The following KIRREL3 variants were observed in gnomAD, a reference collection of about 807,000 sequenced individuals.
The protein encoded by KIRREL3 is kin of IRRE-like protein 3.
Under a neutral mutation model 89.7 loss-of-function variants are expected in KIRREL3, and 36 were observed. The observed-to-expected ratio is 0.40, with a 90% CI of 0.31 to 0.53. KIRREL3 has a LOEUF of 0.53. Ranked by LOEUF, KIRREL3 falls within the 20% of genes least tolerant of loss-of-function variation. The pLI is 0.49. For synonymous variants in KIRREL3, 445 were observed against 441.4 expected (o/e 1.01, Z -0.10); for missense variants, 864 against 1,056.6 (o/e 0.82, Z 2.53).
intron 1 of KIRREL3, among the ~76,000 whole-genome samples, chr11:126,839,311 C>T (rs535288685): frequency 1.3e-5 from 2 of 152,078 alleles, no homozygotes; most frequent in Non-Finnish European, 2.9e-5. Context: ...GATAAGACAC[C>T]CTATGAGGCT....
intron 1 of KIRREL3, among the ~76,000 whole-genome samples, chr11:126,895,247 G>C (rs1946103154): frequency 6.6e-6 from 1 of 151,852 alleles, no homozygotes; most frequent in Non-Finnish European, 1.5e-5. Flanking sequence ...AGGATCACTT[G>C]AGGTCAGGAG....
chr11:126,591,943 C>T (rs377310460), intron 1 of KIRREL3, among the ~76,000 whole-genome samples: 132 of 152,290 alleles, frequency 8.7e-4, no homozygotes, highest in African/African-American at 3.1e-3. Context: ...GCCCAAGCAA[C>T]ATAGGCCTCT....
intron 1 of KIRREL3, among the ~76,000 whole-genome samples, chr11:126,678,306 T>C (rs923627931): frequency 2.0e-5 from 3 of 151,266 alleles, no homozygotes; most frequent in Admixed American, 6.6e-5. Flanking sequence ...AAGGCCGAGA[T>C]AAGAAGTGAA....
intron 5 of KIRREL3, among the ~76,000 whole-genome samples, chr11:126,473,047 C>A (rs1443096699): frequency 1.1e-5 from 1 of 92,762 alleles, no homozygotes; most frequent in East Asian, 3.6e-4. Flanking sequence ...CTAACCCCCC[C>A]AGCCCCTCTC....
At chr11:126,456,933 C>G (rs1158983065) in intron 6 of KIRREL3, among the ~76,000 whole-genome samples, 1 of 152,188 alleles carries the variant, frequency 6.6e-6, no homozygotes, top group Non-Finnish European at 1.5e-5. Flanking sequence ...GCCTAATCAT[C>G]TCCACTCAGT....
chr11:126,929,763 C>T (rs757917823), intron 1 of KIRREL3, among the ~76,000 whole-genome samples: 11 of 152,188 alleles, frequency 7.2e-5, no homozygotes, highest in Non-Finnish European at 1.2e-4. Flanking sequence ...TTCCAATTTC[C>T]ATTCATCAGG....
intron 1 of KIRREL3, among the ~76,000 whole-genome samples, chr11:126,856,712 T>A (rs1344283824): frequency 6.6e-6 from 1 of 151,502 alleles, no homozygotes; most frequent in African/African-American, 2.4e-5. Context: ...GCCTCCTGGG[T>A]TCAGGCCATT....
chr11:126,850,801 A>G (rs939787611), intron 1 of KIRREL3, among the ~76,000 whole-genome samples: 1 of 152,196 alleles, frequency 6.6e-6, no homozygotes, highest in African/African-American at 2.4e-5. Flanking sequence ...GGACCTGAGG[A>G]TAATAGATTA....
rs79376090 is a variant in KIRREL3 at position 126,614,205 on chromosome 11, G to A, written c.56-51293C>T. ...GGTTGGAAAAGTTCGATCTATTGTCGATTTCTCTATGGTATCAATGGCATA... is the reference window on the plus strand; with the variant it reads ...GGTTGGAAAAGTTCGATCTATTGTCAATTTCTCTATGGTATCAATGGCATA... On this transcript the variant is annotated intron_variant, in intron 1 of 16. Transcript: ENST00000525144. The surrounding 1 kb of genome is among the most constrained non-coding windows in gnomAD (Gnocchi z 4.6). Among the ~76,000 whole-genome samples, 378 of 152,116 alleles carry A rather than the reference G, an allele frequency of 2.5e-3. 3 individuals carry two copies. Among genetic ancestry groups the A allele is most frequent in the Non-Finnish European group, 4.4e-3 (302 of 67,990 alleles).
intron 1 of KIRREL3, among the ~76,000 whole-genome samples, chr11:126,801,448 A>C (rs1555198128): frequency 6.6e-6 from 1 of 152,198 alleles, no homozygotes; most frequent in Non-Finnish European, 1.5e-5. Context: ...CATAACTCAG[A>C]GTATTTCTGT....
At chr11:126,661,888 G>A (rs964368244) in intron 1 of KIRREL3, among the ~76,000 whole-genome samples, 2 of 152,180 alleles carry the variant, frequency 1.3e-5, no homozygotes, top group African/African-American at 2.4e-5. Context: ...GAAAACAGGA[G>A]GCTCTGGCTC....
rs555823394 is a variant in KIRREL3 at position 126,759,199 on chromosome 11, G to A, written c.56-196287C>T. 5.3e-5 allele frequency among the ~76,000 whole-genome samples: 8 copies of A among 152,112 alleles called. No homozygotes were observed. In the South Asian group the frequency reaches 1.0e-3, roughly 20 times the overall value. On this transcript the variant is annotated intron_variant, in intron 1 of 16. Coordinates refer to ENST00000525144, the MANE Select transcript of KIRREL3 (RefSeq NM_032531.4). ...GTGCAGCGGCTCATGGTGCGATCTC[G>A]GCTTGCTGCAACCTCCACCTCCTAG...
rs1940906239 is a variant in KIRREL3, at chr11:126,571,197, T to G, written c.56-8285A>C. On this transcript the variant is annotated intron_variant, in intron 1 of 16. Coordinates refer to ENST00000525144, the MANE Select transcript of KIRREL3 (RefSeq NM_032531.4). This position sits in a 1 kb window ranked among gnomAD's most constrained non-coding sequence, Gnocchi z 7.7. ...CTGGCTTTTTGATACCTTGCCTAGC[T>G]CTTATCATCTTTCTCTCCTTGGAGG... is the stretch of plus-strand genomic sequence containing the variant. 6.6e-6 allele frequency among the ~76,000 whole-genome samples: 1 copy of G among 152,180 alleles called. No individual in the cohort carries two copies. The highest frequency in any genetic ancestry group is 2.4e-5 in the African/African-American group (1 of 41,424).
intron 4 of KIRREL3, among the ~76,000 whole-genome samples, chr11:126,478,649 G>T (rs952944207): frequency 7.7e-6 from 1 of 129,060 alleles, no homozygotes; most frequent in Non-Finnish European, 1.5e-5. Context: ...ATGTGTGTAT[G>T]TATGTGTATA....
chr11:126,952,200 A>G (rs1948793355), intron 1 of KIRREL3, among the ~76,000 whole-genome samples: 1 of 152,184 alleles, frequency 6.6e-6, no homozygotes, highest in Non-Finnish European at 1.5e-5. Context: ...AGCCTGGCCT[A>G]CACAGTGAGA....
At chr11:126,626,011 C>T (rs1943769666) in intron 1 of KIRREL3, among the ~76,000 whole-genome samples, 1 of 152,212 alleles carries the variant, frequency 6.6e-6, no homozygotes, top group African/African-American at 2.4e-5. Flanking sequence ...CTCTTGTTGG[C>T]ATGCAGTAAG....
chr11:126,778,240 T>C lies in KIRREL3; in HGVS notation c.56-215328A>G, dbSNP rs1461567585. Among the ~76,000 whole-genome samples the C allele has an allele frequency of 6.6e-6, 1 of 152,204 alleles. No homozygotes were observed. The highest frequency in any genetic ancestry group is 1.5e-5 in the Non-Finnish European group (1 of 68,032). Reference sequence around the variant, plus strand: ...TTTTAATTAAAATGGGATCATATTATACACCTTGTTCTGTATCTTGCTTCT... The same window carrying C: ...TTTTAATTAAAATGGGATCATATTACACACCTTGTTCTGTATCTTGCTTCT... On this transcript the variant is annotated intron_variant, in intron 1 of 16. Transcript: ENST00000525144. The surrounding 1 kb of genome is among the most constrained non-coding windows in gnomAD (Gnocchi z 4.5).
intron 4 of KIRREL3, among the ~76,000 whole-genome samples, chr11:126,479,811 T>G (rs780142408): frequency 6.6e-6 from 1 of 152,200 alleles, no homozygotes; most frequent in Non-Finnish European, 1.5e-5. Flanking sequence ...CCTTTGTGTA[T>G]GCCGTTTCTT....
Position 126,506,039 on chromosome 11 carries a change from A to C in KIRREL3, c.433+15276T>G, listed in dbSNP as rs577230808. 5.3e-5 allele frequency among the ~76,000 whole-genome samples: 8 copies of C among 152,250 alleles called. No homozygotes were observed. The South Asian group carries it at 1.4e-3, about 28-fold the overall frequency. On this transcript the variant is annotated intron_variant, in intron 4 of 16. Coordinates refer to ENST00000525144, the MANE Select transcript of KIRREL3 (RefSeq NM_032531.4). ...CTGTGGGAAAGGATAGTCTTTTTAA[A>C]CAAATGATGTCGGAACAATTGGATA...
Sources: allele counts gnomAD v4.1 joint callset (sites outside exome capture counted in the v4.1 genomes callset), GRCh38; gene constraint gnomAD v4.1.1; non-coding constraint Gnocchi (gnomAD v3.1); transcripts MANE v1.5; gene names NCBI Gene and HGNC (gene_info 2026-07-23, HGNC 2026-07-21).